Variants in TPRG1 observed in about 807,000 individuals in gnomAD.
TPRG1 encodes tumor protein p63 regulated 1, also known as tumor protein p63-regulated gene 1 protein.
In TPRG1, 29 loss-of-function variants were observed where a neutral mutation model predicts 29.3. The ratio of observed to expected loss-of-function variants is 0.99; its 90% CI spans 0.74 to 1.35. The LOEUF is 1.35. Ranked by LOEUF, TPRG1 falls within the 40% of genes most tolerant of loss-of-function variation. The pLI is 0.00. For synonymous variants in TPRG1, 130 were observed against 116.8 expected, an observed-to-expected ratio of 1.11 and a Z score of -0.73; for missense variants, 327 against 335.0, an observed-to-expected ratio of 0.98 and a Z score of 0.19.
chr3:189,253,616 A>G (rs1742621007), intron 4 of TPRG1, among the ~76,000 whole-genome samples: 1 of 152,252 alleles, frequency 6.6e-6, no homozygotes, highest in Non-Finnish European at 1.5e-5. Flanking sequence ...GTGTATACCC[A>G]GTAGTGGGAT....
At chr3:189,123,089 T>A (rs182859505) in intron 1 of TPRG1, among the ~76,000 whole-genome samples, 1 of 152,330 alleles carries the variant, frequency 6.6e-6, no homozygotes, top group Admixed American at 6.5e-5. Flanking sequence ...TTTCTCTACA[T>A]CTCTGCTAAT....
chr3:189,125,909 G>T (rs1262496609), intron 1 of TPRG1, among the ~76,000 whole-genome samples: 1 of 149,174 alleles, frequency 6.7e-6, no homozygotes, highest in Non-Finnish European at 1.5e-5. Context: ...AATGTCTTTA[G>T]TGATCAGAAA....
chr3:189,287,565 T>G (rs925638570), intron 4 of TPRG1, among the ~76,000 whole-genome samples: 2 of 151,836 alleles, frequency 1.3e-5, no homozygotes, highest in Non-Finnish European at 2.9e-5. Context: ...ACCTGGCTAA[T>G]TTTTTGTATT....
intron 4 of TPRG1, among the ~76,000 whole-genome samples, chr3:189,054,852 A>C (rs1374288772): frequency 6.6e-6 from 1 of 152,192 alleles, no homozygotes; most frequent in Non-Finnish European, 1.5e-5. Flanking sequence ...AAAATGTTTA[A>C]AATAGTTTGA....
intron 4 of TPRG1, among the ~76,000 whole-genome samples, chr3:189,247,160 T>G (rs6794469): frequency 0.079 from 12,086 of 152,092 alleles, 704 homozygotes; most frequent in African/African-American, 0.17. Context: ...ACCATTCTTT[T>G]CTGTGACTTA....
At chr3:189,140,286 G>A (rs1007771420) in intron 3 of TPRG1, among the ~76,000 whole-genome samples, 2 of 152,160 alleles carry the variant, frequency 1.3e-5, no homozygotes, top group Non-Finnish European at 2.9e-5. Context: ...TGAAGTGGAT[G>A]GACTTAAGCT....
At chr3:189,301,083 G>A (rs60358249) in intron 4 of TPRG1, among the ~76,000 whole-genome samples, 2,949 of 152,066 alleles carry the variant, frequency 0.019, 59 homozygotes, top group East Asian at 0.074. Flanking sequence ...GGATCATGAG[G>A]TTGGGAGATC....
At chr3:189,002,140 G>T (rs1712057290) in intron 2 of TPRG1, among the ~76,000 whole-genome samples, 1 of 152,188 alleles carries the variant, frequency 6.6e-6, no homozygotes, top group Non-Finnish European at 1.5e-5. Context: ...ATGAAGAAAA[G>T]GATGGGTATA....
At chr3:189,025,593 T>C (rs992988576) in intron 4 of TPRG1, among the ~76,000 whole-genome samples, 1 of 152,190 alleles carries the variant, frequency 6.6e-6, no homozygotes, top group African/African-American at 2.4e-5. Flanking sequence ...TGATAAAATG[T>C]GAGCAGTATA....
chr3:189,063,272 A>C (rs767053201), intron 4 of TPRG1, among the ~76,000 whole-genome samples: 7 of 152,124 alleles, frequency 4.6e-5, no homozygotes, highest in Non-Finnish European at 8.8e-5. Flanking sequence ...AAACTGATAG[A>C]TTTGCAAGGA....
chr3:189,256,678 T>C (rs1711951910), intron 4 of TPRG1, among the ~76,000 whole-genome samples: 1 of 152,212 alleles, frequency 6.6e-6, no homozygotes, highest in Non-Finnish European at 1.5e-5. Context: ...GCTTTATGAA[T>C]CTGGGTGCTC....
At position 189,260,584 on chromosome 3, in the gene TPRG1, A is replaced by G. The variant is rs140780659; in HGVS notation, c.479+21675A>G. Among the ~76,000 whole-genome samples, 1,149 of 152,344 alleles carry G rather than the reference A, an allele frequency of 7.5e-3. 3 individuals are homozygous for G. The highest frequency in any genetic ancestry group is 0.013 in the Non-Finnish European group (891 of 68,022). On this transcript the variant is annotated intron_variant, in intron 4 of 5. Transcript: ENST00000345063. The stretch of plus-strand genomic sequence containing the variant: ...GTTGCTGTCACATTGATATGCCAAC[A>G]AAAGCTAAGCAGGGAGGTCAGGCCA...
chr3:189,215,256 C>G, intron 2 of TPRG1, 36 bp from the exon 3 acceptor site: 5 of 1,567,396 alleles, frequency 3.2e-6, no homozygotes, highest in Non-Finnish European at 4.3e-6. Context: ...TGGGCTAAGT[C>G]TGCTCTAAAC....
intron 3 of TPRG1, among the ~76,000 whole-genome samples, chr3:189,134,445 C>G (rs1434660596): frequency 1.7e-5 from 2 of 118,270 alleles, no homozygotes; most frequent in Non-Finnish European, 3.4e-5. Context: ...CAGAGCCTCT[C>G]TTTGTTGCCC....
At chr3:189,261,211 G>C (rs991334510) in intron 4 of TPRG1, among the ~76,000 whole-genome samples, 1 of 152,084 alleles carries the variant, frequency 6.6e-6, no homozygotes, top group Non-Finnish European at 1.5e-5. Flanking sequence ...AGGTGTGTGT[G>C]ATGTTCATTA....
intron 4 of TPRG1, among the ~76,000 whole-genome samples, chr3:189,040,227 G>C (rs60175123): frequency 0.017 from 2,532 of 152,270 alleles, 70 homozygotes; most frequent in African/African-American, 0.058. Context: ...TTTAATGAAA[G>C]TGAATTAATC....
chr3:189,158,816 C>T (rs1727049262), intron 5 of TPRG1, among the ~76,000 whole-genome samples: 3 of 152,008 alleles, frequency 2.0e-5, no homozygotes, highest in East Asian at 1.9e-4. Flanking sequence ...CTCCCTCATC[C>T]GAAGTCTAAA....
upstream of TPRG1, among the ~76,000 whole-genome samples, chr3:189,167,818 G>C (rs1578635928): frequency 6.6e-6 from 1 of 152,168 alleles, no homozygotes; most frequent in Non-Finnish European, 1.5e-5. Flanking sequence ...GGTATCCAGA[G>C]AGTCTCGAAG....
intron 4 of TPRG1, among the ~76,000 whole-genome samples, chr3:189,092,549 A>G (rs1279882718): frequency 2.0e-5 from 3 of 150,818 alleles, no homozygotes; most frequent in African/African-American, 7.4e-5. Flanking sequence ...ATTTTCCTCA[A>G]TTTGTTTCCT....
Sources: allele counts gnomAD v4.1 joint callset (sites outside exome capture counted in the v4.1 genomes callset), GRCh38; gene constraint gnomAD v4.1.1; transcripts MANE v1.5; gene names NCBI Gene and HGNC (gene_info 2026-07-23, HGNC 2026-07-21).